Variants in DIAPH2 observed in about 807,000 individuals in gnomAD.
The protein encoded by DIAPH2 is diaphanous related formin 2.
A neutral mutation model predicts 92.7 loss-of-function variants in DIAPH2; 35 were observed. The ratio of observed to expected loss-of-function variants is 0.38; its 90% CI spans 0.29 to 0.50. The LOEUF (loss-of-function observed/expected upper bound fraction) is 0.50. Among genes scored for constraint, DIAPH2 ranks in the 20% least tolerant of loss-of-function variants. DIAPH2 has a pLI of 0.94. For synonymous variants in DIAPH2, 301 were observed against 280.4 expected (o/e 1.07, Z -0.73); for missense variants, 701 against 819.5 (o/e 0.86, Z 1.77).
chrX:96,758,129 C>T (rs2297827), intron 3 of DIAPH2, 25 bp from the exon 4 acceptor site: 218,510 of 1,126,275 alleles, frequency 0.19, 15,352 homozygotes, highest in East Asian at 0.31. Flanking sequence ...TTATCAATGC[C>T]CACAGTAAAT....
intron 4 of DIAPH2, among the ~76,000 whole-genome samples, chrX:96,799,445 C>T (rs369804015): frequency 8.0e-5 from 9 of 111,915 alleles, no homozygotes; most frequent in Non-Finnish European, 1.5e-4. Flanking sequence ...GAGGTGTGTT[C>T]GGTTGTCTTT....
At chrX:97,316,485 C>A (rs867861369) in intron 23 of DIAPH2, among the ~76,000 whole-genome samples, 144 of 59,154 alleles carry the variant, frequency 2.4e-3, no homozygotes, top group Non-Finnish European at 2.5e-3. Flanking sequence ...ACTAAAAATA[C>A]AAAAAAAAAA....
chrX:96,912,257 T>A (rs965608326), intron 5 of DIAPH2, 71 bp from the exon 6 acceptor site: 2 of 862,472 alleles, frequency 2.3e-6, no homozygotes, highest in South Asian at 2.4e-5. Context: ...AAATTAAAAT[T>A]TTATTTTGGA....
chrX:97,544,327 A>G (rs1430025898), intron 26 of DIAPH2, among the ~76,000 whole-genome samples: 1 of 112,656 alleles, frequency 8.9e-6, no homozygotes, highest in Admixed American at 9.4e-5. Flanking sequence ...ACTTAAAGGC[A>G]TATTATTTTA....
intron 5 of DIAPH2, 29 bp downstream of exon 5, chrX:96,881,747 T>G (rs1479943948): frequency 8.4e-7 from 1 of 1,188,786 alleles, no homozygotes; most frequent in East Asian, 3.0e-5. Context: ...TTCGGTATGA[T>G]TCATACAATT....
chrX:97,034,380 T>A (rs2066395834), intron 17 of DIAPH2, among the ~76,000 whole-genome samples: 1 of 110,486 alleles, frequency 9.1e-6, no homozygotes, highest in Non-Finnish European at 1.9e-5. Flanking sequence ...ATCTACATGG[T>A]ATATACAGAA....
chrX:96,861,036 A>T (rs188211602), intron 4 of DIAPH2, among the ~76,000 whole-genome samples: 8 of 111,606 alleles, frequency 7.2e-5, no homozygotes, highest in Non-Finnish European at 1.5e-4. Context: ...AGTAAAAATG[A>T]TAATAACTTT....
In DIAPH2 at chrX:97,336,245, T is replaced by A. The variant is rs1333533211; in HGVS notation, c.2845-11871T>A. Among the ~76,000 whole-genome samples the A allele has an allele frequency of 1.3e-4, 13 of 96,579 alleles. No individual in the cohort carries two copies. In the Admixed American group the frequency reaches 1.4e-3, roughly 11 times the overall value. The allele number at this position is 96,579 out of a possible 115,157, so 83.9% of individuals were successfully genotyped here. ...CAGTCACACTTTTCTTTTCTTTTCTTTTTTTTTTTTTTTTTTTGAGACGGA... is the reference window on the plus strand; with the variant it reads ...CAGTCACACTTTTCTTTTCTTTTCTATTTTTTTTTTTTTTTTTGAGACGGA... On this transcript the variant is annotated intron_variant, in intron 23 of 26. Transcript: ENST00000324765.
At chrX:96,750,056 T>G (rs1243397814) in intron 3 of DIAPH2, among the ~76,000 whole-genome samples, 1 of 97,146 alleles carries the variant, frequency 1.0e-5, no homozygotes, top group Non-Finnish European at 2.1e-5. Context: ...TTCAAGTTTT[T>G]TTTTTTTTTT....
intron 26 of DIAPH2, among the ~76,000 whole-genome samples, chrX:97,504,119 A>T (rs895885386): frequency 8.9e-6 from 1 of 112,179 alleles, no homozygotes; most frequent in African/African-American, 3.2e-5. Flanking sequence ...ATTTTTAACT[A>T]TATTTAATAT....
chrX:97,181,995 A>G (rs925749422), intron 22 of DIAPH2, among the ~76,000 whole-genome samples: 1 of 111,606 alleles, frequency 9.0e-6, no homozygotes, highest in African/African-American at 3.3e-5. Flanking sequence ...TCCTCTCACT[A>G]TTTGCTGTAA....
At chrX:97,427,044 GGCA>G (rs2070073558) in intron 25 of DIAPH2, among the ~76,000 whole-genome samples, 1 of 108,437 alleles carries the variant, frequency 9.2e-6, no homozygotes, top group Non-Finnish European at 1.9e-5. Context: ...CGGGCATGGT[GGCA>G]GGCGCCTGTA....
intron 22 of DIAPH2, among the ~76,000 whole-genome samples, chrX:97,188,784 A>G (rs1216229120): frequency 1.8e-5 from 2 of 112,400 alleles, no homozygotes; most frequent in Non-Finnish European, 3.7e-5. Context: ...CAGACTTTTA[A>G]AAAATAATTT....
intron 26 of DIAPH2, among the ~76,000 whole-genome samples, chrX:97,437,761 T>TACACACACACACAC (rs58161143): frequency 4.2e-5 from 4 of 95,731 alleles, no homozygotes; most frequent in African/African-American, 1.5e-4. Flanking sequence ...TACATGATTT[T>TACACACACACACAC]ACACACACAC....
intron 22 of DIAPH2, among the ~76,000 whole-genome samples, chrX:97,232,565 C>T (rs2068017844): frequency 1.8e-5 from 2 of 111,069 alleles, no homozygotes; most frequent in Non-Finnish European, 3.8e-5. Flanking sequence ...TCCCCTCAAG[C>T]TGCATTTGCC....
At chrX:97,278,165 G>T (rs1360002705) in intron 23 of DIAPH2, among the ~76,000 whole-genome samples, 2 of 112,143 alleles carry the variant, frequency 1.8e-5, no homozygotes, top group Non-Finnish European at 3.8e-5. Flanking sequence ...TTTAACTAGA[G>T]ATTTTAAAAC....
chrX:97,446,226 G>A (rs990378972), intron 26 of DIAPH2, among the ~76,000 whole-genome samples: 3 of 110,890 alleles, frequency 2.7e-5, no homozygotes, highest in Admixed American at 9.6e-5. Context: ...TCTCAAAAAA[G>A]TCTACACTCT....
In DIAPH2 at chrX:97,304,830, G is replaced by A. The variant is rs181739193; in HGVS notation, c.2845-43286G>A. On this transcript the variant is annotated intron_variant, in intron 23 of 26. Coordinates refer to ENST00000324765, the MANE Select transcript of DIAPH2 (RefSeq NM_006729.5). Reference sequence around the variant, plus strand: ...AAGTGAGTATTTTGCTACCAACAGAGTTGGATTATATATTTTAATATATCG... The same window carrying A: ...AAGTGAGTATTTTGCTACCAACAGAATTGGATTATATATTTTAATATATCG... Among the ~76,000 whole-genome samples the A allele has an allele frequency of 5.7e-3, 640 of 112,142 alleles. 2 individuals are homozygous for A. Among genetic ancestry groups the A allele is most frequent in the African/African-American group, 0.02 (606 of 30,908 alleles).
At chrX:97,001,231 A>G (rs1184742465) in intron 17 of DIAPH2, among the ~76,000 whole-genome samples, 3 of 112,023 alleles carry the variant, frequency 2.7e-5, no homozygotes, top group East Asian at 5.6e-4. Context: ...TGTTCAAGCT[A>G]TTTCCTGACT....
Sources: allele counts gnomAD v4.1 joint callset (sites outside exome capture counted in the v4.1 genomes callset), GRCh38; gene constraint gnomAD v4.1.1; transcripts MANE v1.5; gene names NCBI Gene and HGNC (gene_info 2026-07-23, HGNC 2026-07-21).